The following SUCLG2 variants were observed in gnomAD, a reference collection of about 807,000 sequenced individuals.
SUCLG2 encodes succinate-CoA ligase GDP-forming subunit beta, also known as succinate--CoA ligase [GDP-forming] subunit beta, mitochondrial.
Under a neutral mutation model 47.9 loss-of-function variants are expected in SUCLG2, and 42 were observed. The ratio of observed to expected loss-of-function variants is 0.88; its 90% CI spans 0.69 to 1.14. SUCLG2 has a LOEUF of 1.14. Among genes scored for constraint, SUCLG2 ranks in the 50% most tolerant of loss-of-function variants. The pLI is 0.00. For missense variants in SUCLG2, 571 were observed against 525.9 expected, an observed-to-expected ratio of 1.09 and a Z score of -0.84; for synonymous variants, 195 against 197.3, an observed-to-expected ratio of 0.99 and a Z score of 0.10.
chr3:67,379,924 T>TC (rs1190371269), intron 10 of SUCLG2, among the ~76,000 whole-genome samples: 4 of 152,180 alleles, frequency 2.6e-5, no homozygotes, highest in Non-Finnish European at 5.9e-5. Flanking sequence ...GCTTCCCTCG[T>TC]CCCCTCTAAA....
downstream of SUCLG2, among the ~76,000 whole-genome samples, chr3:67,371,096 G>C (rs1453157279): frequency 6.6e-6 from 1 of 152,070 alleles, no homozygotes; most frequent in Non-Finnish European, 1.5e-5. Context: ...ATGTGTTAAT[G>C]ACTACTACAT....
intron 2 of SUCLG2, among the ~76,000 whole-genome samples, chr3:67,561,591 T>C (rs925532394): frequency 6.6e-6 from 1 of 152,126 alleles, no homozygotes; most frequent in Admixed American, 6.5e-5. Flanking sequence ...AAAATAAATA[T>C]TTAGAAAAAT....
intron 6 of SUCLG2, among the ~76,000 whole-genome samples, chr3:67,509,814 C>T (rs752394731): frequency 2.6e-5 from 4 of 152,194 alleles, no homozygotes; most frequent in African/African-American, 7.2e-5. Flanking sequence ...GTGCCAGCCT[C>T]GGATTACTTG....
At position 67,470,419 on chromosome 3, in the gene SUCLG2, T is replaced by G. The variant is rs189606855; in HGVS notation, c.1062+25379A>C. ...GCTTTTCTCTACAATGATGCAATGGTTTGAATGTCTCCTCCCAAACTCATG... is the reference window on the plus strand; with the variant it reads ...GCTTTTCTCTACAATGATGCAATGGGTTGAATGTCTCCTCCCAAACTCATG... On this transcript the variant is annotated intron_variant, in intron 9 of 10. Transcript: ENST00000307227. 2.3e-3 allele frequency among the ~76,000 whole-genome samples: 354 copies of G among 152,332 alleles called. 1 individual carries two copies. Among genetic ancestry groups the G allele is most frequent in the African/African-American group, 7.8e-3 (326 of 41,582 alleles).
chr3:67,567,470 C>T (rs748367936), intron 2 of SUCLG2, among the ~76,000 whole-genome samples: 31 of 151,640 alleles, frequency 2.0e-4, no homozygotes, highest in Non-Finnish European at 3.5e-4. Context: ...TAGTTTTTTT[C>T]GTTTTAACGT....
intron 1 of SUCLG2, among the ~76,000 whole-genome samples, chr3:67,630,573 T>A (rs573182358): frequency 1.3e-5 from 2 of 152,232 alleles, no homozygotes; most frequent in African/African-American, 4.8e-5. Context: ...AAGCACCTTA[T>A]GTATAAAGAT....
chr3:67,399,858 A>C (rs2106811926), intron 10 of SUCLG2, among the ~76,000 whole-genome samples: 1 of 152,320 alleles, frequency 6.6e-6, no homozygotes, highest in East Asian at 1.9e-4. Flanking sequence ...GTACCAAAGA[A>C]TATTCAGAAC....
chr3:67,435,254 T>C (rs1382053087), intron 9 of SUCLG2, among the ~76,000 whole-genome samples: 1 of 152,160 alleles, frequency 6.6e-6, no homozygotes. Flanking sequence ...TCAGGATCCT[T>C]TAACAATTAT....
At chr3:67,373,764 T>G (rs1289910794), downstream of SUCLG2, among the ~76,000 whole-genome samples, 2 of 152,082 alleles carry the variant, frequency 1.3e-5, no homozygotes, top group Non-Finnish European at 2.9e-5. Context: ...TTCCCTCTGC[T>G]CCCTCTCTCT....
chr3:67,596,156 T>C (rs57450793), intron 2 of SUCLG2, among the ~76,000 whole-genome samples: 9,199 of 152,274 alleles, frequency 0.06, 399 homozygotes, highest in African/African-American at 0.12. Flanking sequence ...TTGGTTTATT[T>C]AAAGTAGTAT....
intron 2 of SUCLG2, among the ~76,000 whole-genome samples, chr3:67,538,542 G>C (rs535589999): frequency 1.3e-5 from 2 of 152,070 alleles, no homozygotes; most frequent in African/African-American, 4.8e-5. Context: ...TGTTTTAGGG[G>C]CCCTTTCCTG....
At chr3:67,538,077 A>G (rs780886053) in intron 2 of SUCLG2, among the ~76,000 whole-genome samples, 5 of 152,190 alleles carry the variant, frequency 3.3e-5, no homozygotes, top group African/African-American at 9.7e-5. Context: ...TAGTTTAATT[A>G]GAGCCCATTT....
At chr3:67,408,181 T>C (rs1463952683) in intron 9 of SUCLG2, among the ~76,000 whole-genome samples, 1 of 152,206 alleles carries the variant, frequency 6.6e-6, no homozygotes, top group African/African-American at 2.4e-5. Context: ...TGGTATATTC[T>C]TGGAGTTTGA....
At chr3:67,372,389 G>A (rs528846214), downstream of SUCLG2, among the ~76,000 whole-genome samples, 10 of 89,452 alleles carry the variant, frequency 1.1e-4, no homozygotes, top group Non-Finnish European at 2.0e-4. Context: ...CAAGTACACT[G>A]CAGTCACTTT....
At chr3:67,513,266 G>C (rs950019793) in intron 6 of SUCLG2, among the ~76,000 whole-genome samples, 1 of 152,162 alleles carries the variant, frequency 6.6e-6, no homozygotes, top group African/African-American at 2.4e-5. Flanking sequence ...CACTTAAATT[G>C]TTTCAGAACT....
rs1702007599 is a variant in SUCLG2, at chr3:67,374,934, C to G, written c.*810G>C. ...GAAACGAGGAGAGAAGATAGTGATA[C>G]TAAACACAATTTGATCTTCAGTGTT... On this transcript the variant is annotated 3_prime_UTR_variant, in exon 11 of 11. Transcript: ENST00000307227. 2 of 985,414 alleles carry G rather than the reference C, an allele frequency of 2.0e-6. No homozygotes were observed. Among genetic ancestry groups the G allele is most frequent in the African/African-American group, 1.7e-5 (1 of 57,160 alleles). 61.0% of individuals were successfully genotyped at this position (985,414 alleles called of 1,614,324 possible). A position where few individuals can be genotyped will look rare whatever the true frequency, so the allele number is the denominator to read the frequency against.
At chr3:67,500,424 T>C (rs1216929121) in intron 7 of SUCLG2, among the ~76,000 whole-genome samples, 1 of 152,206 alleles carries the variant, frequency 6.6e-6, no homozygotes, top group Non-Finnish European at 1.5e-5. Context: ...GAGAATCTTA[T>C]ATGGAAGTTA....
rs181340483 is a variant in SUCLG2, at chr3:67,558,163, C to T, written c.227-28977G>A. On this transcript the variant is annotated intron_variant, in intron 2 of 10. Transcript: ENST00000307227. Reference sequence around the variant, plus strand: ...TTACATCATGCTGAGTGTGAGGACACCCCACAAGCTGTTAGCTATATTAAC... The same window carrying T: ...TTACATCATGCTGAGTGTGAGGACATCCCACAAGCTGTTAGCTATATTAAC... 3.9e-5 allele frequency among the ~76,000 whole-genome samples: 6 copies of T among 152,168 alleles called. No individual in the cohort carries two copies. The East Asian group carries it at 1.2e-3, about 29-fold the overall frequency.
intron 2 of SUCLG2, among the ~76,000 whole-genome samples, chr3:67,577,487 C>A (rs1481156601): frequency 1.3e-5 from 2 of 152,120 alleles, no homozygotes; most frequent in Non-Finnish European, 2.9e-5. Flanking sequence ...AGAAGACATA[C>A]ATGGAAATGA....
Sources: allele counts gnomAD v4.1 joint callset (sites outside exome capture counted in the v4.1 genomes callset), GRCh38; gene constraint gnomAD v4.1.1; transcripts MANE v1.5; gene names NCBI Gene and HGNC (gene_info 2026-07-23, HGNC 2026-07-21).